The following DHRSX variants were observed in gnomAD, a reference collection of about 807,000 sequenced individuals.
The protein encoded by DHRSX is polyprenol dehydrogenase.
DHRSX carries 31 observed loss-of-function variants against 34.0 expected under a neutral mutation model. That is an observed-to-expected ratio of 0.91 (90% CI 0.69 to 1.23). The LOEUF is 1.23. DHRSX is among the 50% of genes most tolerant of loss of function. DHRSX has a pLI of 0.00. For missense variants in DHRSX, 414 were observed against 428.1 expected (o/e 0.97, Z 0.29); for synonymous variants, 201 against 183.8 (o/e 1.09, Z -0.76).
chrX:2,340,244 C>T (rs1389652951), intron 3 of DHRSX, among the ~76,000 whole-genome samples: 15 of 151,772 alleles, frequency 9.9e-5, no homozygotes, highest in South Asian at 4.1e-4. Context: ...ATGTAGATGA[C>T]GGGTTGAGGG....
At chrX:2,320,888 C>T (rs73628299) in intron 3 of DHRSX, among the ~76,000 whole-genome samples, 4,644 of 151,492 alleles carry the variant, frequency 0.031, 258 homozygotes, top group African/African-American at 0.11. Context: ...CATGACGTGT[C>T]GGTCCACGTA....
At chrX:2,230,368 A>G (rs1184881302) in intron 6 of DHRSX, among the ~76,000 whole-genome samples, 2 of 152,136 alleles carry the variant, frequency 1.3e-5, no homozygotes, top group African/African-American at 2.4e-5. Flanking sequence ...ACCTTCCTTT[A>G]ACTACAATCT....
At chrX:2,473,250 C>T (rs1171102015) in intron 1 of DHRSX, among the ~76,000 whole-genome samples, 4 of 152,160 alleles carry the variant, frequency 2.6e-5, no homozygotes, top group Non-Finnish European at 5.9e-5. Context: ...GGACAAAGTC[C>T]AGACCACACG....
At chrX:2,463,294 C>T (rs1489810414) in intron 1 of DHRSX, among the ~76,000 whole-genome samples, 6 of 152,156 alleles carry the variant, frequency 3.9e-5, no homozygotes, top group Admixed American at 6.5e-5. Flanking sequence ...CCGGCCTGGG[C>T]GACACAGCAA....
At chrX:2,444,917 G>A (rs2044109017) in intron 1 of DHRSX, among the ~76,000 whole-genome samples, 1 of 152,182 alleles carries the variant, frequency 6.6e-6, no homozygotes, top group African/African-American at 2.4e-5. Flanking sequence ...AGCACTTTGG[G>A]AGGCCGAGGC....
intron 3 of DHRSX, among the ~76,000 whole-genome samples, chrX:2,326,809 C>CTT (rs776129131): frequency 0.017 from 2,521 of 144,630 alleles, 83 homozygotes; most frequent in African/African-American, 0.059. Flanking sequence ...TTCAGTTTTT[C>CTT]TTTTTTTTTT....
At chrX:2,349,829 C>CAGG (rs374267574) in intron 3 of DHRSX, among the ~76,000 whole-genome samples, 29,093 of 147,524 alleles carry the variant, frequency 0.2, 3,332 homozygotes, top group African/African-American at 0.32. Context: ...ATCACGAGGT[C>CAGG]AGATCGAGAC....
At chrX:2,325,814 T>G (rs1341218066) in intron 3 of DHRSX, among the ~76,000 whole-genome samples, 1 of 151,642 alleles carries the variant, frequency 6.6e-6, no homozygotes, top group Admixed American at 6.6e-5. Context: ...TCCTTTCCGC[T>G]CGGAGACCCC....
At chrX:2,391,068 G>A (rs1279010635) in intron 3 of DHRSX, among the ~76,000 whole-genome samples, 1 of 152,238 alleles carries the variant, frequency 6.6e-6, no homozygotes. Context: ...GAAGGACACA[G>A]TTTCTCTCCA....
intron 3 of DHRSX, among the ~76,000 whole-genome samples, chrX:2,362,110 G>T (rs2042940957): frequency 6.6e-6 from 1 of 152,170 alleles, no homozygotes; most frequent in Non-Finnish European, 1.5e-5. Flanking sequence ...TACAGGCTAA[G>T]AACTTTTAAG....
At chrX:2,434,916 G>C (rs1332408606) in intron 1 of DHRSX, among the ~76,000 whole-genome samples, 1 of 152,150 alleles carries the variant, frequency 6.6e-6, no homozygotes, top group Non-Finnish European at 1.5e-5. Context: ...TGGCTCTCCA[G>C]GGAATTCTAT....
intron 6 of DHRSX, among the ~76,000 whole-genome samples, chrX:2,229,856 T>C (rs2015828726): frequency 6.6e-6 from 1 of 152,148 alleles, no homozygotes; most frequent in African/African-American, 2.4e-5. Flanking sequence ...GGATGTGTAT[T>C]GTATGAGTGT....
chrX:2,339,931 G>A (rs1199812030), intron 3 of DHRSX, among the ~76,000 whole-genome samples: 2 of 152,064 alleles, frequency 1.3e-5, no homozygotes, highest in Non-Finnish European at 2.9e-5. Flanking sequence ...CTAGATCCTT[G>A]AGGAATCCCC....
At chrX:2,479,757 G>C (rs1029461698) in intron 1 of DHRSX, among the ~76,000 whole-genome samples, 21 of 151,880 alleles carry the variant, frequency 1.4e-4, no homozygotes, top group Non-Finnish European at 5.9e-5. Flanking sequence ...CGTTCTCTAA[G>C]AATGTGGCCA....
chrX:2,483,232 C>G (rs1165598668), intron 1 of DHRSX, among the ~76,000 whole-genome samples: 1 of 151,782 alleles, frequency 6.6e-6, no homozygotes, highest in Non-Finnish European at 1.5e-5. Context: ...ATCACACATG[C>G]GTGCCACCAT....
At chrX:2,388,109 G>A (rs920728324) in intron 3 of DHRSX, among the ~76,000 whole-genome samples, 1 of 152,050 alleles carries the variant, frequency 6.6e-6, no homozygotes, top group Non-Finnish European at 1.5e-5. Context: ...CAGGAGAAGG[G>A]AGTGGTATGG....
At chrX:2,443,648 C>T (rs1393088903) in intron 1 of DHRSX, among the ~76,000 whole-genome samples, 1 of 152,044 alleles carries the variant, frequency 6.6e-6, no homozygotes, top group East Asian at 1.9e-4. Context: ...GGAAGCAATG[C>T]TTTAAGGACA....
intron 1 of DHRSX, among the ~76,000 whole-genome samples, chrX:2,429,717 A>G (rs2043894184): frequency 6.6e-6 from 1 of 151,966 alleles, no homozygotes; most frequent in Admixed American, 6.6e-5. Context: ...CGGCCTCCCA[A>G]AGAGCTGGAT....
chrX:2,492,605 G>A (rs2045180977), intron 1 of DHRSX, among the ~76,000 whole-genome samples: 1 of 151,924 alleles, frequency 6.6e-6, no homozygotes, highest in Non-Finnish European at 1.5e-5. Context: ...AGCCCTAAAT[G>A]CAGTGACAGA....
Sources: gnomAD v4.1 joint callset for allele counts (sites outside exome capture counted in the v4.1 genomes callset) on GRCh38, gnomAD v4.1.1 for gene constraint, MANE v1.5 for transcripts, NCBI Gene and HGNC (gene_info 2026-07-23, HGNC 2026-07-21) for gene names.